DPRX: variants seen among roughly 807,000 people sequenced by gnomAD.
DPRX encodes the protein divergent-paired related homeobox.
A neutral mutation model predicts 8.4 loss-of-function variants in DPRX; 11 were observed. That is an observed-to-expected ratio of 1.31 (90% CI 0.82 to 2.17). The LOEUF (loss-of-function observed/expected upper bound fraction) is 2.17, where lower values mean the gene tolerates loss of function less well. Ranked by LOEUF, DPRX falls within the 30% of genes most tolerant of loss-of-function variation. The probability of loss-of-function intolerance (pLI) is 0.00; values close to 1 mark genes in which losing one functional copy is unlikely to be tolerated. For synonymous variants in DPRX, 72 were observed against 87.0 expected (o/e 0.83, Z 0.96); for missense variants, 211 against 236.7 (o/e 0.89, Z 0.71).
the DPRX span, among the ~76,000 whole-genome samples, chr19:53,622,715 C>G: frequency 6.6e-6 from 1 of 152,112 alleles, no homozygotes; most frequent in Non-Finnish European, 1.5e-5. Context: ...AGTCACCAGG[C>G]AGAAAACCTT....
At chr19:53,613,773 G>A in the DPRX span, among the ~76,000 whole-genome samples, 6 of 151,948 alleles carry the variant, frequency 3.9e-5, no homozygotes, top group Admixed American at 3.3e-4. Context: ...AGTTTCATAC[G>A]GAATTGGGAC....
the DPRX span, among the ~76,000 whole-genome samples, chr19:53,611,478 C>T: frequency 5.9e-5 from 9 of 152,160 alleles, no homozygotes; most frequent in South Asian, 2.1e-4. Flanking sequence ...AGTGATCCAC[C>T]CGCCTCAGCC....
chr19:53,602,721 G>T, the DPRX span, among the ~76,000 whole-genome samples: 1 of 151,848 alleles, frequency 6.6e-6, no homozygotes, highest in African/African-American at 2.4e-5. Flanking sequence ...TTTTAGTAGA[G>T]ATGGGGTTTC....
the DPRX span, among the ~76,000 whole-genome samples, chr19:53,624,437 C>CT: frequency 2.0e-5 from 3 of 151,392 alleles, no homozygotes; most frequent in Admixed American, 6.6e-5. Flanking sequence ...GAGTCTCACT[C>CT]TGTCGCCCAG....
At chr19:53,622,421 G>C in the DPRX span, among the ~76,000 whole-genome samples, 1 of 152,104 alleles carries the variant, frequency 6.6e-6, no homozygotes, top group Non-Finnish European at 1.5e-5. Context: ...AAGATCACTT[G>C]AGCCCAGAAG....
At chr19:53,601,658 T>A in the DPRX span, among the ~76,000 whole-genome samples, 3 of 151,958 alleles carry the variant, frequency 2.0e-5, no homozygotes, top group Admixed American at 2.0e-4. Context: ...ATTTTTGTAT[T>A]TTTAGTAGAA....
At chr19:53,635,193 G>T (rs533473360) in intron 2 of DPRX, among the ~76,000 whole-genome samples, 21 of 152,262 alleles carry the variant, frequency 1.4e-4, no homozygotes, top group Admixed American at 2.0e-4. Flanking sequence ...TTTTTGTAGA[G>T]ATGGGGTTTC....
chr19:53,623,445 C>T, the DPRX span, among the ~76,000 whole-genome samples: 1 of 149,746 alleles, frequency 6.7e-6, no homozygotes. Flanking sequence ...TTGAGACCAG[C>T]CTGACCAACA....
the DPRX span, among the ~76,000 whole-genome samples, chr19:53,609,020 AAAAG>A: frequency 6.6e-6 from 1 of 151,496 alleles, no homozygotes; most frequent in Non-Finnish European, 1.5e-5. Context: ...AGCGAGAAAG[AAAAG>A]AAAGACCTTA....
the DPRX span, among the ~76,000 whole-genome samples, chr19:53,619,109 C>T: frequency 2.0e-5 from 3 of 152,078 alleles, no homozygotes; most frequent in African/African-American, 7.2e-5. Context: ...ATGACACTAA[C>T]TTAATTTGGG....
At chr19:53,625,757 C>G in the DPRX span, among the ~76,000 whole-genome samples, 2 of 152,042 alleles carry the variant, frequency 1.3e-5, no homozygotes, top group Non-Finnish European at 2.9e-5. Flanking sequence ...CCTGCCTCAG[C>G]CTCCCAGGTA....
chr19:53,601,676 T>C, the DPRX span, among the ~76,000 whole-genome samples: 1,393 of 151,940 alleles, frequency 9.2e-3, 28 homozygotes, highest in African/African-American at 0.032. Flanking sequence ...GAACCGGAAT[T>C]TCACCATGTT....
the DPRX span, among the ~76,000 whole-genome samples, chr19:53,614,853 C>T: frequency 6.6e-6 from 1 of 151,928 alleles, no homozygotes; most frequent in Non-Finnish European, 1.5e-5. Context: ...GGCATGGTGG[C>T]TCACACCAGT....
At chr19:53,616,427 T>G in the DPRX span, among the ~76,000 whole-genome samples, 1 of 152,000 alleles carries the variant, frequency 6.6e-6, no homozygotes, top group Non-Finnish European at 1.5e-5. Context: ...TTTTTCCATA[T>G]GGATGTTCAG....
upstream of DPRX, among the ~76,000 whole-genome samples, chr19:53,629,091 A>T (rs2091081568): frequency 6.6e-6 from 1 of 150,818 alleles, no homozygotes; most frequent in South Asian, 2.1e-4. Context: ...AGGCGGGCAG[A>T]TCACTTGAGG....
At chr19:53,635,821 CAG>C (rs141211317) in intron 2 of DPRX, among the ~76,000 whole-genome samples, 2,004 of 152,264 alleles carry the variant, frequency 0.013, 35 homozygotes, top group African/African-American at 0.046. Context: ...GATACAAAGA[CAG>C]GGGGTGGTCA....
At chr19:53,607,572 GAGC>G in the DPRX span, among the ~76,000 whole-genome samples, 2 of 151,688 alleles carry the variant, frequency 1.3e-5, no homozygotes, top group Non-Finnish European at 2.9e-5. Flanking sequence ...TTTAGGCTGG[GAGC>G]AGTGAGTGGT....
chr19:53,620,063 T>C, the DPRX span, among the ~76,000 whole-genome samples: 1 of 152,066 alleles, frequency 6.6e-6, no homozygotes, highest in Admixed American at 6.6e-5. Flanking sequence ...GTTGACTTCC[T>C]GCAGTTCAAA....
chr19:53,634,095 GCCTGAGGCACGA>G (rs2122163751), intron 1 of DPRX, among the ~76,000 whole-genome samples: 1 of 152,300 alleles, frequency 6.6e-6, no homozygotes, highest in African/African-American at 2.4e-5. Context: ...TGGGACTGCA[GCCTGAGGCACGA>G]CCCCGGCCAG....
Sources: gnomAD v4.1 joint callset for allele counts (sites outside exome capture counted in the v4.1 genomes callset) on GRCh38, gnomAD v4.1.1 for gene constraint, MANE v1.5 for transcripts, NCBI Gene and HGNC (gene_info 2026-07-23, HGNC 2026-07-21) for gene names.